Variants in SHISA5 observed in about 807,000 individuals in gnomAD.
The protein encoded by SHISA5 is shisa family member 5.
A neutral mutation model predicts 27.5 loss-of-function variants in SHISA5; 21 were observed. The ratio of observed to expected loss-of-function variants is 0.76; its 90% confidence interval spans 0.54 to 1.10. The LOEUF (loss-of-function observed/expected upper bound fraction) is 1.10. SHISA5 is among the 50% of genes least tolerant of loss of function. The pLI is 0.00. For missense variants in SHISA5, 314 were observed against 336.3 expected (o/e 0.93, Z 0.52); for synonymous variants, 137 against 142.2 (o/e 0.96, Z 0.26).
chr3:48,501,390 C>T (rs944517116), intron 1 of SHISA5, 97 bp from the exon 2 acceptor site: 18 of 1,351,452 alleles, frequency 1.3e-5, no homozygotes, highest in Non-Finnish European at 1.8e-5. Context: ...CACACACACA[C>T]ACACATGCTG....
intron 2 of SHISA5, among the ~76,000 whole-genome samples, chr3:48,499,319 C>A (rs755261984): frequency 6.6e-6 from 1 of 151,962 alleles, no homozygotes; most frequent in Non-Finnish European, 1.5e-5. Context: ...GGCTTACAGG[C>A]ATGAGCCACA....
intron 2 of SHISA5, among the ~76,000 whole-genome samples, chr3:48,499,641 C>G (rs1337446297): frequency 7.1e-6 from 1 of 140,766 alleles, no homozygotes; most frequent in Non-Finnish European, 1.5e-5. Context: ...GATCGCACCA[C>G]CACATTCCAG....
intron 2 of SHISA5, 64 bp from the exon 3 acceptor site, chr3:48,479,321 C>T: frequency 6.9e-7 from 1 of 1,459,002 alleles, no homozygotes; most frequent in Non-Finnish European, 9.3e-7. Context: ...ACAAACACTA[C>T]CTTAGGGCAC....
chr3:48,502,820 AG>A (rs2041796107), intron 1 of SHISA5, among the ~76,000 whole-genome samples: 1 of 152,206 alleles, frequency 6.6e-6, no homozygotes, highest in Non-Finnish European at 1.5e-5. Context: ...AGTCTGCCAT[AG>A]CACGTGGCCT....
rs1421996297 is a variant in SHISA5 at position 48,467,930 on chromosome 3, C to A, written c.*1177G>T. ...TGTACAGACCCTAGACTCAGAAACA[C>A]AACAGATTTGAGCTAAGACAGCTCT... is the stretch of plus-strand genomic sequence containing the variant. On this transcript the variant is annotated 3_prime_UTR_variant, in exon 6 of 6. Coordinates refer to ENST00000296444, the MANE Select transcript of SHISA5 (RefSeq NM_016479.6). 4 of 336,972 alleles carry A rather than the reference C, an allele frequency of 1.2e-5. No individual in the cohort carries two copies. The highest frequency in any genetic ancestry group is 4.6e-5 in the Admixed American group (1 of 21,878). The allele number at this position is 336,972 out of a possible 1,614,324, so 20.9% of individuals were successfully genotyped here. A position where few individuals can be genotyped will look rare whatever the true frequency, so the allele number is the denominator to read the frequency against.
At chr3:48,471,359 G>T (rs1003089020) in intron 3 of SHISA5, among the ~76,000 whole-genome samples, 2 of 151,856 alleles carry the variant, frequency 1.3e-5, no homozygotes, top group Non-Finnish European at 2.9e-5. Flanking sequence ...CGAGATGGGC[G>T]GATCACAAGG....
At chr3:48,492,988 T>C (rs2041475418) in intron 2 of SHISA5, among the ~76,000 whole-genome samples, 2 of 147,702 alleles carry the variant, frequency 1.4e-5, no homozygotes, top group African/African-American at 2.7e-5. Flanking sequence ...CCACACAATC[T>C]ACAGTATTTC....
In SHISA5 at chr3:48,468,791, A is replaced by C; in HGVS notation, c.*316T>G. Reference sequence around the variant, plus strand: ...CCAGATGTGCCCTGGAGAGGCCCCCACCTCTCAGGGGCCACCTCACAGGGT... The same window carrying C: ...CCAGATGTGCCCTGGAGAGGCCCCCCCCTCTCAGGGGCCACCTCACAGGGT... On this transcript the variant is annotated 3_prime_UTR_variant, in exon 6 of 6. Coordinates refer to ENST00000296444, the MANE Select transcript of SHISA5 (RefSeq NM_016479.6). The C allele has an allele frequency of 7.0e-7, 1 of 1,426,944 alleles. No individual in the cohort carries two copies. Among genetic ancestry groups the C allele is most frequent in the Non-Finnish European group, 9.3e-7 (1 of 1,077,018 alleles). 88.4% of individuals were successfully genotyped at this position (1,426,944 alleles called of 1,614,324 possible).
intron 2 of SHISA5, among the ~76,000 whole-genome samples, chr3:48,490,590 C>T (rs1240089228): frequency 2.0e-5 from 3 of 152,098 alleles, no homozygotes; most frequent in Non-Finnish European, 2.9e-5. Context: ...ATCTAAGGGG[C>T]CTGGGGAGTC....
At chr3:48,487,652 T>A (rs1049154559) in intron 2 of SHISA5, among the ~76,000 whole-genome samples, 1 of 152,182 alleles carries the variant, frequency 6.6e-6, no homozygotes, top group African/African-American at 2.4e-5. Context: ...CCCAGCACTT[T>A]GGGAGGCCAA....
intron 1 of SHISA5, among the ~76,000 whole-genome samples, chr3:48,501,860 CTTT>C (rs35527637): frequency 6.0e-5 from 8 of 133,072 alleles, no homozygotes; most frequent in Non-Finnish European, 4.8e-5. Context: ...CCCTTTCTTT[CTTT>C]TTTTTTTTTT....
At chr3:48,474,110 C>G (rs890840829) in intron 3 of SHISA5, among the ~76,000 whole-genome samples, 4 of 151,426 alleles carry the variant, frequency 2.6e-5, no homozygotes, top group African/African-American at 9.7e-5. Context: ...TTTTTTGAGG[C>G]AGGGTCTCAC....
At position 48,473,222 on chromosome 3, in the gene SHISA5, C is replaced by T. The variant is rs2040707045; in HGVS notation, c.315-3379G>A. The stretch of plus-strand genomic sequence containing the variant: ...ATGGCCCCGCCCAGCAGCCGGCTAG[C>T]AGCCAAGGAGCCAAGGGGCGGGGGC... On this transcript the variant is annotated intron_variant, in intron 3 of 5. Coordinates refer to ENST00000296444, the MANE Select transcript of SHISA5 (RefSeq NM_016479.6). This position sits in a 1 kb window ranked among gnomAD's most constrained non-coding sequence, Gnocchi z 4.3. 4 of 1,427,010 alleles carry T rather than the reference C, an allele frequency of 2.8e-6. No homozygotes were observed. In the East Asian group the frequency reaches 1.0e-4, roughly 36 times the overall value. 88.4% of individuals were successfully genotyped at this position (1,427,010 alleles called of 1,614,324 possible).
In SHISA5 at chr3:48,471,101, C is replaced by T. The variant is rs371696790; in HGVS notation, c.315-1258G>A. On this transcript the variant is annotated intron_variant, in intron 3 of 5. Coordinates refer to ENST00000296444, the MANE Select transcript of SHISA5 (RefSeq NM_016479.6). The stretch of plus-strand genomic sequence containing the variant: ...GGAGTGCAGTGATATGATCACAGTT[C>T]ACTGCAGCCTCCACCTCCCAGGCTC... Among the ~76,000 whole-genome samples, 4 of 152,036 alleles carry T rather than the reference C, an allele frequency of 2.6e-5. No individual in the cohort carries two copies. The East Asian group carries it at 5.9e-4, about 22-fold the overall frequency.
intron 2 of SHISA5, among the ~76,000 whole-genome samples, chr3:48,489,195 AT>A (rs11293006): frequency 0.12 from 15,827 of 129,946 alleles, 1,722 homozygotes; most frequent in African/African-American, 0.33. Flanking sequence ...ACATTATGAG[AT>A]TTTTTTTTTT....
chr3:48,491,244 G>A (rs911323030), intron 2 of SHISA5, among the ~76,000 whole-genome samples: 51 of 151,720 alleles, frequency 3.4e-4, no homozygotes, highest in Non-Finnish European at 6.5e-4. Context: ...TCAGCCTCCC[G>A]AGTAGCTGGG....
chr3:48,491,208 T>C (rs1264008482), intron 2 of SHISA5, among the ~76,000 whole-genome samples: 1 of 151,576 alleles, frequency 6.6e-6, no homozygotes, highest in Non-Finnish European at 1.5e-5. Context: ...AAGCTCTGCC[T>C]CCCAGGTTCA....
intron 2 of SHISA5, among the ~76,000 whole-genome samples, chr3:48,487,688 A>C (rs1421368047): frequency 6.6e-6 from 1 of 152,182 alleles, no homozygotes; most frequent in Non-Finnish European, 1.5e-5. Flanking sequence ...TGAGGTAAGG[A>C]GTTCAAGGCC....
intron 2 of SHISA5, among the ~76,000 whole-genome samples, chr3:48,483,131 C>A (rs1397222042): frequency 6.7e-6 from 1 of 150,322 alleles, no homozygotes; most frequent in African/African-American, 2.5e-5. Context: ...GGGTGTTTCT[C>A]GCAGAGGGGG....
Sources: allele counts gnomAD v4.1 joint callset (sites outside exome capture counted in the v4.1 genomes callset), GRCh38; gene constraint gnomAD v4.1.1; non-coding constraint Gnocchi (gnomAD v3.1); transcripts MANE v1.5; gene names NCBI Gene and HGNC (gene_info 2026-07-23, HGNC 2026-07-21).